TEKT5: variants seen among roughly 807,000 people sequenced by gnomAD.
The protein encoded by TEKT5 is tektin-5.
TEKT5 carries 52 observed loss-of-function variants against 48.7 expected under a neutral mutation model. That is an observed-to-expected ratio of 1.07 (90% CI 0.86 to 1.35). TEKT5 has a LOEUF of 1.35. Among genes scored for constraint, TEKT5 ranks in the 40% most tolerant of loss-of-function variants. TEKT5 has a pLI of 0.00. For synonymous variants in TEKT5, 318 were observed against 267.6 expected (o/e 1.19, Z -1.84); for missense variants, 831 against 641.6 (o/e 1.30, Z -3.19).
intron 5 of TEKT5, among the ~76,000 whole-genome samples, chr16:10,675,210 A>C (rs576925589): frequency 2.6e-5 from 4 of 152,220 alleles, no homozygotes; most frequent in Admixed American, 2.6e-4. Flanking sequence ...TCTGTGTATA[A>C]ATTTCACAGC....
chr16:10,652,239 C>T (rs1898170591), intron 5 of TEKT5, among the ~76,000 whole-genome samples: 1 of 152,066 alleles, frequency 6.6e-6, no homozygotes, highest in Admixed American at 6.6e-5. Context: ...AGCTGGCAGA[C>T]GCAGACACCC....
At chr16:10,676,442 G>A (rs1304744612) in intron 4 of TEKT5, among the ~76,000 whole-genome samples, 1 of 152,190 alleles carries the variant, frequency 6.6e-6, no homozygotes, top group African/African-American at 2.4e-5. Flanking sequence ...GTCGCCCCTT[G>A]TTGAGAACCA....
chr16:10,650,290 AG>A (rs1188387402), intron 5 of TEKT5, among the ~76,000 whole-genome samples: 2 of 151,708 alleles, frequency 1.3e-5, no homozygotes, highest in African/African-American at 2.4e-5. Flanking sequence ...TAGTGGAGAC[AG>A]GGTTTCACCA....
chr16:10,689,328 A>T lies in TEKT5; in HGVS notation c.649-5T>A, dbSNP rs1436345231. ...ACATTTTAGCAAATCCACTTCCTGA[A>T]ATGAAAAATGTCAGAAAGAGCAGTG... On this transcript the variant is annotated splice_polypyrimidine_tract_variant and splice_region_variant and intron_variant, in intron 2 of 6. Coordinates refer to ENST00000283025, the MANE Select transcript of TEKT5 (RefSeq NM_144674.2). 6 of 1,612,182 alleles carry T rather than the reference A, an allele frequency of 3.7e-6. No homozygotes were observed. The highest frequency in any genetic ancestry group is 1.7e-5 in the Admixed American group (1 of 59,828).
intron 6 of TEKT5, 77 bp downstream of exon 6, chr16:10,635,687 G>C: frequency 6.5e-7 from 1 of 1,549,732 alleles, no homozygotes; most frequent in East Asian, 2.3e-5. Flanking sequence ...AGTGCACCTA[G>C]AAGCTCCTGA....
chr16:10,652,765 A>C (rs7186440), intron 5 of TEKT5, among the ~76,000 whole-genome samples: 25 of 33,968 alleles, frequency 7.4e-4, no homozygotes, highest in Admixed American at 1.3e-3. Flanking sequence ...TACACAGGCA[A>C]ACACACACAC....
intron 4 of TEKT5, among the ~76,000 whole-genome samples, chr16:10,679,151 G>A (rs77332489): frequency 0.02 from 3,071 of 152,248 alleles, 109 homozygotes; most frequent in African/African-American, 0.069. Flanking sequence ...CCTTGTCATG[G>A]CACTGGACAG....
At chr16:10,680,865 G>T (rs1382672520) in intron 4 of TEKT5, among the ~76,000 whole-genome samples, 3 of 107,368 alleles carry the variant, frequency 2.8e-5, no homozygotes, top group African/African-American at 1.0e-4. Flanking sequence ...GTTGTGGGGT[G>T]GGGGGAGGGG....
At chr16:10,662,048 CCTTAATGCTAGCAGAT>C (rs1393308219) in intron 5 of TEKT5, among the ~76,000 whole-genome samples, 1 of 152,116 alleles carries the variant, frequency 6.6e-6, no homozygotes, top group Non-Finnish European at 1.5e-5. Context: ...TTAAATTAAA[CCTTAATGCTAGCAGAT>C]CAGGGTTTCT....
intron 6 of TEKT5, among the ~76,000 whole-genome samples, chr16:10,633,717 A>G (rs1483971721): frequency 1.3e-5 from 2 of 151,910 alleles, no homozygotes; most frequent in African/African-American, 4.8e-5. Flanking sequence ...TAAGTTTTGT[A>G]TTTTATTTTT....
intron 5 of TEKT5, among the ~76,000 whole-genome samples, chr16:10,664,696 G>A (rs767469019): frequency 5.9e-5 from 9 of 152,184 alleles, no homozygotes; most frequent in Non-Finnish European, 1.2e-4. Flanking sequence ...ACAGCTGGTA[G>A]GATTGTTCCT....
At chr16:10,647,258 C>G (rs925743992) in intron 5 of TEKT5, among the ~76,000 whole-genome samples, 3 of 151,754 alleles carry the variant, frequency 2.0e-5, no homozygotes. Flanking sequence ...TTGCTTGAGT[C>G]CAGGAATTCG....
intron 6 of TEKT5, among the ~76,000 whole-genome samples, chr16:10,631,747 T>C (rs1897844427): frequency 6.6e-6 from 1 of 151,966 alleles, no homozygotes; most frequent in Non-Finnish European, 1.5e-5. Context: ...ATGGGAGCGA[T>C]GCGGCTACAA....
intron 3 of TEKT5, among the ~76,000 whole-genome samples, chr16:10,682,506 T>C (rs1596417923): frequency 6.6e-6 from 1 of 152,128 alleles, no homozygotes; most frequent in East Asian, 1.9e-4. Flanking sequence ...TTTTTAAATA[T>C]TTTTGTAGAC....
At chr16:10,647,387 G>A (rs1468741969) in intron 5 of TEKT5, among the ~76,000 whole-genome samples, 6 of 151,514 alleles carry the variant, frequency 4.0e-5, no homozygotes, top group African/African-American at 9.7e-5. Flanking sequence ...CAGGAGGATC[G>A]CTTAAGCCTG....
intron 5 of TEKT5, among the ~76,000 whole-genome samples, chr16:10,668,524 A>C (rs2541507): frequency 1.3e-5 from 2 of 151,964 alleles, no homozygotes; most frequent in South Asian, 2.1e-4. Flanking sequence ...CCACTGCACA[A>C]TGGGTTCCAG....
chr16:10,675,989 C>T lies in TEKT5; in HGVS notation c.1056G>A (p.Val352=). The T allele has an allele frequency of 1.2e-6, 2 of 1,614,218 alleles. No individual in the cohort carries two copies. Among genetic ancestry groups the T allele is most frequent in the Non-Finnish European group, 1.7e-6 (2 of 1,180,042 alleles). Residue 352 remains valine, a synonymous_variant, in exon 5 of 7, where the codon GTG becomes GTA. Coordinates refer to ENST00000283025, the MANE Select transcript of TEKT5 (RefSeq NM_144674.2). Reference sequence around the variant, plus strand: ...CCAGCTGCGTCTGCAGCTTATTCTTCACATCCGTCACCTCAGAGATGCGGG... The same window carrying T: ...CCAGCTGCGTCTGCAGCTTATTCTTTACATCCGTCACCTCAGAGATGCGGG... ...FNARISEVTD[V]KNKLQTQLAK...
At chr16:10,686,576 A>G (rs540469735) in intron 3 of TEKT5, among the ~76,000 whole-genome samples, 1 of 152,342 alleles carries the variant, frequency 6.6e-6, no homozygotes, top group African/African-American at 2.4e-5. Context: ...CCAATAGCAC[A>G]TGAAATCAAA....
At chr16:10,666,758 C>A (rs749583735) in intron 5 of TEKT5, among the ~76,000 whole-genome samples, 42 of 152,178 alleles carry the variant, frequency 2.8e-4, no homozygotes, top group Non-Finnish European at 4.1e-4. Context: ...AGAACTGTGT[C>A]TCGTCAAAAG....
Sources: gnomAD v4.1 joint callset for allele counts (sites outside exome capture counted in the v4.1 genomes callset) on GRCh38, gnomAD v4.1.1 for gene constraint, MANE v1.5 for transcripts, NCBI Gene and HGNC (gene_info 2026-07-23, HGNC 2026-07-21) for gene names.